Variants in IPP observed in about 807,000 individuals in gnomAD.
The protein encoded by IPP is actin-binding protein IPP.
IPP carries 41 observed loss-of-function variants against 64.1 expected under a neutral mutation model. The ratio of observed to expected loss-of-function variants is 0.64; its 90% CI spans 0.50 to 0.83. The LOEUF (loss-of-function observed/expected upper bound fraction) is 0.83, where lower values mean the gene tolerates loss of function less well. Ranked by LOEUF, IPP falls within the 40% of genes least tolerant of loss-of-function variation. The pLI is 0.00. For synonymous variants in IPP, 214 were observed against 235.2 expected, an observed-to-expected ratio of 0.91 and a Z score of 0.83; for missense variants, 649 against 703.0, an observed-to-expected ratio of 0.92 and a Z score of 0.87.
intron 8 of IPP, among the ~76,000 whole-genome samples, chr1:45,702,641 G>T (rs2148546721): frequency 6.6e-6 from 1 of 152,212 alleles, no homozygotes; most frequent in African/African-American, 2.4e-5. Flanking sequence ...TTTTAGTAGA[G>T]ACAGGGTTTT....
intron 1 of IPP, among the ~76,000 whole-genome samples, chr1:45,748,586 C>T (rs1230845972): frequency 6.6e-6 from 1 of 152,152 alleles, no homozygotes; most frequent in Admixed American, 6.6e-5. Flanking sequence ...GTGGGAGGAC[C>T]ACCTGAGCCA....
chr1:45,725,299 C>T (rs1645804672), intron 5 of IPP, among the ~76,000 whole-genome samples: 1 of 129,966 alleles, frequency 7.7e-6, no homozygotes, highest in Non-Finnish European at 1.7e-5. Flanking sequence ...AAGTGAGGAG[C>T]CCCTCTGCCC....
At chr1:45,749,825 G>T (rs2148589274) in intron 1 of IPP, among the ~76,000 whole-genome samples, 1 of 152,266 alleles carries the variant, frequency 6.6e-6, no homozygotes, top group East Asian at 1.9e-4. Flanking sequence ...CGGCCAGGGA[G>T]GATCGCTTGA....
chr1:45,714,161 T>C, intron 8 of IPP, 85 bp downstream of exon 8: 1 of 969,840 alleles, frequency 1.0e-6, no homozygotes, highest in South Asian at 1.5e-5. Flanking sequence ...ATCAATATCA[T>C]GAGTGAAAAA....
downstream of IPP, chr1:45,696,822 G>A (rs1436216583): frequency 6.6e-6 from 1 of 152,180 alleles, no homozygotes; most frequent in African/African-American, 2.4e-5. Context: ...CATTACCTAG[G>A]AATAATAAGC....
rs566492219 is a variant in IPP at position 45,744,435 on chromosome 1, G to T, written c.292+1685C>A. On this transcript the variant is annotated intron_variant, in intron 2 of 8. Coordinates refer to ENST00000396478, the MANE Select transcript of IPP (RefSeq NM_005897.3). ...GTCTCACTCTGTCTCCCAGTCCAGG[G>T]TGCAGCAGCTTGATCATAGCTCACT... Among the ~76,000 whole-genome samples, 18 of 151,932 alleles carry T rather than the reference G, an allele frequency of 1.2e-4. No homozygotes were observed. In the East Asian group the frequency reaches 3.5e-3, roughly 29 times the overall value.
At chr1:45,721,423 A>C (rs1645729711) in intron 5 of IPP, among the ~76,000 whole-genome samples, 1 of 152,206 alleles carries the variant, frequency 6.6e-6, no homozygotes, top group African/African-American at 2.4e-5. Flanking sequence ...TATGTCTCTA[A>C]TGAGCTTCCC....
intron 5 of IPP, among the ~76,000 whole-genome samples, chr1:45,725,054 G>A (rs1570002589): frequency 7.0e-6 from 1 of 142,868 alleles, no homozygotes. Context: ...CGCCCCGTCC[G>A]GGAGGGAGGT....
chr1:45,712,360 T>C (rs534896050), intron 8 of IPP, among the ~76,000 whole-genome samples: 6 of 146,726 alleles, frequency 4.1e-5, no homozygotes, highest in African/African-American at 1.3e-4. Flanking sequence ...CATTCAACAA[T>C]AGCAGAATAC....
chr1:45,742,058 T>G (rs988880433), intron 2 of IPP, among the ~76,000 whole-genome samples: 1 of 152,232 alleles, frequency 6.6e-6, no homozygotes, highest in Non-Finnish European at 1.5e-5. Context: ...GGAAATCATG[T>G]GCTTTACAGC....
intron 7 of IPP, among the ~76,000 whole-genome samples, chr1:45,716,068 C>T (rs1453629821): frequency 6.6e-6 from 1 of 152,096 alleles, no homozygotes; most frequent in Admixed American, 6.6e-5. Flanking sequence ...CTAGTTAAAA[C>T]AGCTTACTAC....
chr1:45,738,821 CAG>C (rs1361546372), intron 3 of IPP, among the ~76,000 whole-genome samples: 4 of 112,262 alleles, frequency 3.6e-5, no homozygotes, highest in African/African-American at 1.4e-4. Context: ...GCCTGGGTGA[CAG>C]AGCAAGACTC....
At chr1:45,720,920 G>A (rs1036049645) in intron 5 of IPP, among the ~76,000 whole-genome samples, 1 of 152,084 alleles carries the variant, frequency 6.6e-6, no homozygotes, top group African/African-American at 2.4e-5. Context: ...CTTATGATTT[G>A]GAGTAGGGAA....
chr1:45,720,774 A>C (rs1193199758), intron 5 of IPP, among the ~76,000 whole-genome samples: 1 of 152,244 alleles, frequency 6.6e-6, no homozygotes, highest in Non-Finnish European at 1.5e-5. Context: ...TTCATGCTAG[A>C]ATAATTGATT....
At chr1:45,700,223 A>G in intron 8 of IPP, 33 bp from the exon 9 acceptor site, 1 of 1,588,418 alleles carries the variant, frequency 6.3e-7, no homozygotes, top group Non-Finnish European at 8.5e-7. Context: ...ATATGTTAGC[A>G]GTGTTATGAA....
At chr1:45,747,466 G>A (rs1302063084) in intron 1 of IPP, among the ~76,000 whole-genome samples, 1 of 152,016 alleles carries the variant, frequency 6.6e-6, no homozygotes, top group Non-Finnish European at 1.5e-5. Flanking sequence ...TCTAAATCCA[G>A]GACTGTTCCA....
At chr1:45,713,199 A>G (rs1645613032) in intron 8 of IPP, among the ~76,000 whole-genome samples, 1 of 152,118 alleles carries the variant, frequency 6.6e-6, no homozygotes, top group African/African-American at 2.4e-5. Context: ...ATGCCAAGGC[A>G]GGAGAATCGC....
At chr1:45,740,559 C>CT in intron 3 of IPP, among the ~76,000 whole-genome samples, 1 of 152,188 alleles carries the variant, frequency 6.6e-6, no homozygotes, top group Non-Finnish European at 1.5e-5. Context: ...GCTGACCCCC[C>CT]CTAGGAAATC....
chr1:45,727,834 A>G (rs201902499), intron 4 of IPP, 36 bp from the exon 5 acceptor site: 181 of 1,438,682 alleles, frequency 1.3e-4, no homozygotes, highest in Admixed American at 2.8e-4. Flanking sequence ...ATGAAAATCT[A>G]CTGTTCTACA....
Sources: gnomAD v4.1 joint callset for allele counts (sites outside exome capture counted in the v4.1 genomes callset) on GRCh38, gnomAD v4.1.1 for gene constraint, MANE v1.5 for transcripts, NCBI Gene and HGNC (gene_info 2026-07-23, HGNC 2026-07-21) for gene names.